Variants in METAP1D observed in about 807,000 individuals in gnomAD.
The protein encoded by METAP1D is methionyl aminopeptidase type 1D, mitochondrial, also known as methionine aminopeptidase 1D, mitochondrial.
Under a neutral mutation model 40.5 loss-of-function variants are expected in METAP1D, and 31 were observed. The observed-to-expected ratio is 0.77, with a 90% CI of 0.58 to 1.03. METAP1D has a LOEUF of 1.03. Among genes scored for constraint, METAP1D ranks in the 50% least tolerant of loss-of-function variants. The pLI, the probability that METAP1D is intolerant of heterozygous loss-of-function variation, is 0.00. For synonymous variants in METAP1D, 151 were observed against 146.4 expected, an observed-to-expected ratio of 1.03 and a Z score of -0.22; for missense variants, 411 against 420.7, an observed-to-expected ratio of 0.98 and a Z score of 0.20.
At chr2:172,047,701 C>T (rs920521387) in intron 1 of METAP1D, among the ~76,000 whole-genome samples, 11 of 152,194 alleles carry the variant, frequency 7.2e-5, no homozygotes, top group Admixed American at 3.3e-4. Context: ...TCCCAAAGTG[C>T]TCAGATTATA....
intron 6 of METAP1D, among the ~76,000 whole-genome samples, chr2:172,077,458 A>G (rs1574147445): frequency 6.6e-6 from 1 of 152,238 alleles, no homozygotes; most frequent in Non-Finnish European, 1.5e-5. Flanking sequence ...ATATGCACAT[A>G]TATCCCGGTT....
chr2:172,017,146 A>C (rs762798126), intron 1 of METAP1D, among the ~76,000 whole-genome samples: 53 of 151,196 alleles, frequency 3.5e-4, no homozygotes, highest in Non-Finnish European at 4.6e-4. Flanking sequence ...GAGTTCCTCA[A>C]GTTTCTTCTC....
At chr2:172,077,656 AAC>A (rs1690578915) in intron 6 of METAP1D, 139 bp from the exon 7 acceptor site, 2 of 520,220 alleles carry the variant, frequency 3.8e-6, no homozygotes, top group Non-Finnish European at 6.9e-6. Flanking sequence ...GCATAATGAA[AAC>A]ACATGAATGT....
chr2:172,076,719 C>A (rs1447460710), intron 6 of METAP1D, among the ~76,000 whole-genome samples: 2 of 152,228 alleles, frequency 1.3e-5, no homozygotes, highest in Admixed American at 1.3e-4. Flanking sequence ...AAGATGCTGG[C>A]TGAAAGCCTG....
At chr2:172,001,452 T>C (rs7598246) in intron 1 of METAP1D, among the ~76,000 whole-genome samples, 69,253 of 151,498 alleles carry the variant, frequency 0.46, 17,479 homozygotes, top group Middle Eastern at 0.63. Flanking sequence ...GTAGGAAAAT[T>C]GCTTTAACCC....
intron 6 of METAP1D, among the ~76,000 whole-genome samples, chr2:172,072,046 T>C (rs1037574651): frequency 6.6e-6 from 1 of 152,238 alleles, no homozygotes; most frequent in African/African-American, 2.4e-5. Context: ...GAAGCTTTTA[T>C]TGAAGACTTT....
intron 1 of METAP1D, among the ~76,000 whole-genome samples, chr2:172,045,452 G>A (rs1689715370): frequency 7.6e-6 from 1 of 131,888 alleles, no homozygotes; most frequent in African/African-American, 2.6e-5. Flanking sequence ...CTTGAGGTTG[G>A]GAGTTCAAGA....
chr2:172,022,645 A>G (rs1689032833), intron 1 of METAP1D, among the ~76,000 whole-genome samples: 1 of 152,212 alleles, frequency 6.6e-6, no homozygotes, highest in South Asian at 2.1e-4. Flanking sequence ...AATCATAATA[A>G]AAATGTAAAT....
intron 7 of METAP1D, 67 bp downstream of exon 7, chr2:172,077,961 G>A: frequency 1.2e-6 from 1 of 828,658 alleles, no homozygotes. Context: ...TGACCCTGAA[G>A]CTCTTCCTCT....
At chr2:172,013,803 A>C (rs185742750) in intron 1 of METAP1D, among the ~76,000 whole-genome samples, 2 of 149,576 alleles carry the variant, frequency 1.3e-5, no homozygotes, top group East Asian at 4.0e-4. Context: ...TATAACAAAG[A>C]AACATTATAC....
At chr2:172,019,888 T>TAA (rs1688966144) in intron 1 of METAP1D, among the ~76,000 whole-genome samples, 1 of 152,212 alleles carries the variant, frequency 6.6e-6, no homozygotes, top group Non-Finnish European at 1.5e-5. Context: ...TTCTAGACTA[T>TAA]AAGTTACTTG....
At chr2:172,071,112 G>A in intron 6 of METAP1D, 42 bp downstream of exon 6, 1 of 1,511,574 alleles carries the variant, frequency 6.6e-7, no homozygotes, top group African/African-American at 1.4e-5. Context: ...TTGGCAAATG[G>A]TACAAAGGTT....
chr2:172,045,319 T>G lies in METAP1D; in HGVS notation c.41-16179T>G, dbSNP rs1281246952. Among the ~76,000 whole-genome samples the G allele has an allele frequency of 1.5e-5, 2 of 133,070 alleles. 1 individual carries two copies. Among genetic ancestry groups the G allele is most frequent in the Non-Finnish European group, 3.5e-5 (2 of 57,284 alleles). The allele number at this position is 133,070 out of a possible 152,430, so 87.3% of individuals were successfully genotyped here. ...AATGCTCATCATTGTTTAAATAAGGTACTATGTGATCCCTTCGTATAAGGG... is the reference window on the plus strand; with the variant it reads ...AATGCTCATCATTGTTTAAATAAGGGACTATGTGATCCCTTCGTATAAGGG... On this transcript the variant is annotated intron_variant, in intron 1 of 9. Coordinates refer to ENST00000315796, the MANE Select transcript of METAP1D (RefSeq NM_199227.3).
chr2:172,036,576 A>G (rs1689393002), intron 1 of METAP1D, among the ~76,000 whole-genome samples: 1 of 151,668 alleles, frequency 6.6e-6, no homozygotes, highest in Non-Finnish European at 1.5e-5. Context: ...AGTGTTAGCC[A>G]GGATGGTCTC....
Position 172,061,693 on chromosome 2 carries a change from A to C in METAP1D, c.198+38A>C, listed in dbSNP as rs778380681. ...CTATTATCTCCTGCTTTTTCCAGCC[A>C]AGATAAAAGTTGACTGCAGAAGTGA... On this transcript the variant is annotated intron_variant, in intron 2 of 9. Coordinates refer to ENST00000315796, the MANE Select transcript of METAP1D (RefSeq NM_199227.3). The C allele has an allele frequency of 2.6e-6, 4 of 1,530,844 alleles. No homozygotes were observed. In the South Asian group the frequency reaches 5.2e-5, roughly 20 times the overall value. 94.8% of individuals were successfully genotyped at this position (1,530,844 alleles called of 1,614,324 possible).
intron 1 of METAP1D, among the ~76,000 whole-genome samples, chr2:172,008,421 T>G (rs1396078204): frequency 6.6e-6 from 1 of 152,168 alleles, no homozygotes; most frequent in African/African-American, 2.4e-5. Context: ...GCAAGGAAAG[T>G]TAAATGGTTT....
At chr2:172,028,872 TG>T (rs1689179461) in intron 1 of METAP1D, among the ~76,000 whole-genome samples, 1 of 152,238 alleles carries the variant, frequency 6.6e-6, no homozygotes. Context: ...ACTTGATTCT[TG>T]ATTTTCTCAT....
At chr2:172,073,572 T>C (rs1690474933) in intron 6 of METAP1D, among the ~76,000 whole-genome samples, 1 of 152,232 alleles carries the variant, frequency 6.6e-6, no homozygotes, top group Non-Finnish European at 1.5e-5. Flanking sequence ...ATGAACTTTT[T>C]ACTTGTACCC....
At chr2:172,010,446 CT>C (rs35703486) in intron 1 of METAP1D, among the ~76,000 whole-genome samples, 28,735 of 117,484 alleles carry the variant, frequency 0.24, 3,846 homozygotes, top group Middle Eastern at 0.4. Flanking sequence ...GCACCCAGCC[CT>C]TTTTTTTTTT....
Sources: gnomAD v4.1 joint callset for allele counts (sites outside exome capture counted in the v4.1 genomes callset) on GRCh38, gnomAD v4.1.1 for gene constraint, MANE v1.5 for transcripts, NCBI Gene and HGNC (gene_info 2026-07-23, HGNC 2026-07-21) for gene names.